Variants in DST observed in about 807,000 individuals in gnomAD.
DST encodes dystonin, also known as bullous pemphigoid antigen.
In DST, 253 loss-of-function variants were observed where a neutral mutation model predicts 875.2. That is an observed-to-expected ratio of 0.29 (90% CI 0.26 to 0.32). The LOEUF is 0.32. Among genes scored for constraint, DST ranks in the 10% least tolerant of loss-of-function variants. DST has a pLI of 1.00. For missense variants in DST, 8,287 were observed against 9,111.6 expected (o/e 0.91, Z 3.68); for synonymous variants, 3,124 against 3,197.1 (o/e 0.98, Z 0.77).
intron 4 of DST, among the ~76,000 whole-genome samples, chr6:56,826,560 G>T (rs987550090): frequency 6.6e-6 from 1 of 152,054 alleles, no homozygotes; most frequent in South Asian, 2.1e-4. Context: ...TTTGCATATA[G>T]AATTTTTTTC....
At chr6:56,474,918 C>T (rs2095093965) in intron 92 of DST, among the ~76,000 whole-genome samples, 1 of 127,270 alleles carries the variant, frequency 7.9e-6, no homozygotes, top group Non-Finnish European at 1.6e-5. Context: ...ACGACTGTGC[C>T]ATTGCATTCC....
At chr6:56,670,444 CCA>C in intron 10 of DST, 195 bp downstream of exon 10, 1 of 389,194 alleles carries the variant, frequency 2.6e-6, no homozygotes, top group Admixed American at 4.6e-5. Flanking sequence ...AGCAATCTAC[CCA>C]CTTTGGCTTC....
intron 5 of DST, among the ~76,000 whole-genome samples, chr6:56,722,030 A>G (rs2099418687): frequency 6.6e-6 from 1 of 152,218 alleles, no homozygotes; most frequent in South Asian, 2.1e-4. Flanking sequence ...GATTTCATAT[A>G]ATTTTCATAT....
chr6:56,818,581 C>T (rs2099769422), intron 4 of DST, among the ~76,000 whole-genome samples: 1 of 152,072 alleles, frequency 6.6e-6, no homozygotes, highest in Non-Finnish European at 1.5e-5. Context: ...CCCAAATGAA[C>T]TAAACATAAT....
At chr6:56,740,676 A>C (rs2099543665) in intron 4 of DST, among the ~76,000 whole-genome samples, 1 of 152,202 alleles carries the variant, frequency 6.6e-6, no homozygotes, top group South Asian at 2.1e-4. Context: ...ACAGACAGGG[A>C]GCTGGGGAAT....
Position 56,697,298 on chromosome 6 carries a change from C to T in DST, c.1047+2355G>A, listed in dbSNP as rs180988181. 3.9e-5 allele frequency among the ~76,000 whole-genome samples: 6 copies of T among 152,312 alleles called. No homozygotes were observed. In the East Asian group the frequency reaches 1.2e-3, roughly 29 times the overall value. Reference sequence around the variant, plus strand: ...TTTTGCATCCCCAACTGAGTCCTGACCTTTATCACTACCTCAGCTTCACAG... The same window carrying T: ...TTTTGCATCCCCAACTGAGTCCTGATCTTTATCACTACCTCAGCTTCACAG... On this transcript the variant is annotated intron_variant, in intron 9 of 103. Coordinates refer to ENST00000680361, the MANE Select transcript of DST (RefSeq NM_001374736.1).
chr6:56,517,440 T>A, intron 70 of DST, 61 bp downstream of exon 70: 1 of 1,600,544 alleles, frequency 6.2e-7, no homozygotes, highest in Non-Finnish European at 8.5e-7. Flanking sequence ...CAAGCACATT[T>A]TATAGAGTTG....
Position 56,611,494 on chromosome 6 carries a change from T to G in DST, c.5147+14A>C. On this transcript the variant is annotated intron_variant, in intron 38 of 103. Transcript: ENST00000680361. ...CCCCACTTAAAATAAAAGAGCTAAC[T>G]ACAACCAACATACTTGTCTCCATGT... 1 of 1,588,216 alleles carries G rather than the reference T, an allele frequency of 6.3e-7. No individual in the cohort carries two copies. The highest frequency in any genetic ancestry group is 1.7e-5 in the Admixed American group (1 of 59,684).
intron 2 of DST, chr6:56,945,776 A>G (rs950008395): frequency 3.3e-5 from 5 of 152,124 alleles, no homozygotes; most frequent in African/African-American, 1.2e-4. Flanking sequence ...AGATACAGAG[A>G]AGATTAGCAT....
At chr6:56,490,000 G>T (rs1038674152) in intron 85 of DST, among the ~76,000 whole-genome samples, 2 of 151,992 alleles carry the variant, frequency 1.3e-5, no homozygotes, top group Non-Finnish European at 2.9e-5. Context: ...GACAGATCTG[G>T]GTTTACTTCT....
intron 8 of DST, among the ~76,000 whole-genome samples, chr6:56,700,239 C>G (rs1472196371): frequency 6.6e-6 from 1 of 152,198 alleles, no homozygotes; most frequent in East Asian, 1.9e-4. Flanking sequence ...CCACTCCTCC[C>G]ACCAGCCAGT....
intron 4 of DST, among the ~76,000 whole-genome samples, chr6:56,761,244 T>TGAACTTTAACCTTACTCTCACTTAA (rs2099616510): frequency 6.6e-6 from 1 of 152,228 alleles, no homozygotes. Flanking sequence ...GGGCAACATC[T>TGAACTTTAACCTTACTCTCACTTAA]GAACTTTAAC....
chr6:56,587,880 C>G (rs1401289130), intron 49 of DST, among the ~76,000 whole-genome samples: 1 of 151,902 alleles, frequency 6.6e-6, no homozygotes, highest in African/African-American at 2.4e-5. Context: ...TTGTCACCAC[C>G]ACGCCTGCCC....
rs987518307 is a variant in DST, at chr6:56,583,745, A to C, written c.12904-4808T>G. On this transcript the variant is annotated intron_variant, in intron 49 of 103. Coordinates refer to ENST00000680361, the MANE Select transcript of DST (RefSeq NM_001374736.1). ...ATGGTTTTAGGTCTAACATTTAAGT[A>C]TTTAATCCATCTTGAATTAATTTTT... Among the ~76,000 whole-genome samples, 833 of 152,210 alleles carry C rather than the reference A, an allele frequency of 5.5e-3. 1 individual carries two copies. The highest frequency in any genetic ancestry group is 9.6e-3 in the Non-Finnish European group (656 of 67,980).
chr6:56,512,975 C>T (rs1451979622), intron 72 of DST, among the ~76,000 whole-genome samples: 2 of 152,020 alleles, frequency 1.3e-5, no homozygotes, highest in South Asian at 2.1e-4. Flanking sequence ...GCTGCTTTAC[C>T]GAATGGAGGT....
At chr6:56,733,481 G>A (rs2099510509) in intron 5 of DST, among the ~76,000 whole-genome samples, 1 of 152,116 alleles carries the variant, frequency 6.6e-6, no homozygotes, top group South Asian at 2.1e-4. Context: ...AATATGCCAA[G>A]TACTATGCTT....
intron 4 of DST, among the ~76,000 whole-genome samples, chr6:56,747,063 G>A (rs990754692): frequency 1.3e-5 from 2 of 152,158 alleles, no homozygotes; most frequent in Non-Finnish European, 2.9e-5. Context: ...GAAGGCACAG[G>A]AGGTCTCTGA....
At chr6:56,881,319 A>C (rs1030777475) in intron 3 of DST, among the ~76,000 whole-genome samples, 4 of 147,944 alleles carry the variant, frequency 2.7e-5, no homozygotes, top group Non-Finnish European at 6.1e-5. Context: ...CTAAAAATAC[A>C]AAAATTAGCC....
intron 3 of DST, among the ~76,000 whole-genome samples, chr6:56,897,755 C>T (rs1280951550): frequency 6.6e-6 from 1 of 152,136 alleles, no homozygotes; most frequent in Admixed American, 6.5e-5. Context: ...GTTCCTTTGC[C>T]CTCCAGCTTC....
Sources: allele counts gnomAD v4.1 joint callset (sites outside exome capture counted in the v4.1 genomes callset), GRCh38; gene constraint gnomAD v4.1.1; transcripts MANE v1.5; gene names NCBI Gene and HGNC (gene_info 2026-07-23, HGNC 2026-07-21).